Variants in PXT1 observed in about 807,000 individuals in gnomAD.
PXT1 encodes the protein peroxisomal testis enriched protein 1.
PXT1 carries 11 observed loss-of-function variants against 11.0 expected under a neutral mutation model. The observed-to-expected ratio is 1.00, with a 90% CI of 0.63 to 1.66. The LOEUF is 1.66. Among genes scored for constraint, PXT1 ranks in the 40% most tolerant of loss-of-function variants. The pLI is 0.00. For synonymous variants in PXT1, 43 were observed against 51.4 expected, an observed-to-expected ratio of 0.84 and a Z score of 0.70; for missense variants, 141 against 155.5, an observed-to-expected ratio of 0.91 and a Z score of 0.49.
chr6:36,440,336 C>G (rs1471089274), intron 1 of PXT1, among the ~76,000 whole-genome samples: 1 of 151,964 alleles, frequency 6.6e-6, no homozygotes, highest in Non-Finnish European at 1.5e-5. Flanking sequence ...TTTGGGATGC[C>G]GAGGCGGGTG....
At chr6:36,402,188 G>A (rs1000024494) in intron 3 of PXT1, among the ~76,000 whole-genome samples, 6 of 152,066 alleles carry the variant, frequency 3.9e-5, no homozygotes, top group South Asian at 2.1e-4. Context: ...ACCAATGAGC[G>A]TTTTTAAGCA....
chr6:36,420,602 G>C (rs751830375), intron 3 of PXT1, among the ~76,000 whole-genome samples: 2 of 152,174 alleles, frequency 1.3e-5, no homozygotes, highest in Non-Finnish European at 2.9e-5. Context: ...GAATGAAAGA[G>C]AGAGTCTTCA....
intron 3 of PXT1, among the ~76,000 whole-genome samples, chr6:36,423,502 C>T (rs1348528900): frequency 6.6e-6 from 1 of 152,232 alleles, no homozygotes; most frequent in South Asian, 2.1e-4. Flanking sequence ...GGCGGCGGCG[C>T]GCGCGTAGCT....
intron 3 of PXT1, among the ~76,000 whole-genome samples, chr6:36,416,180 G>A (rs665793): frequency 0.86 from 129,350 of 149,986 alleles, 56,197 homozygotes; most frequent in African/African-American, 0.97. Flanking sequence ...CTACCAAAAA[G>A]AAAAGAAAAG....
chr6:36,436,113 C>CAAAA (rs11294829), intron 2 of PXT1, among the ~76,000 whole-genome samples: 2 of 60,092 alleles, frequency 3.3e-5, no homozygotes, highest in African/African-American at 1.2e-4. Context: ...AAAAGTAAGC[C>CAAAA]AAAAAAAAAA....
At chr6:36,396,799 G>A (rs1382156598) in intron 4 of PXT1, among the ~76,000 whole-genome samples, 2 of 152,222 alleles carry the variant, frequency 1.3e-5, no homozygotes, top group African/African-American at 4.8e-5. Flanking sequence ...ATGATCAGCT[G>A]CAGAGAGGAG....
Position 36,400,553 on chromosome 6 carries a change from A to G in PXT1, c.201T>C (p.His67=), listed in dbSNP as rs1207026502. 3 of 1,613,850 alleles carry G rather than the reference A, an allele frequency of 1.9e-6. No individual in the cohort carries two copies. The highest frequency in any genetic ancestry group is 2.7e-5 in the African/African-American group (2 of 75,042). ...DHNLLSQPKE[H]SIVQKHHQEE... is the part of the protein sequence containing the mutation. ...CCTGGTGATGCTTCTGAACAATGCT[A>G]TGCTCCTTGGGCTGAGAAAGTAGAT... The change falls in exon 4 of 5, where the codon CAT becomes CAC. Residue 67 remains histidine (H), a synonymous_variant. Coordinates refer to ENST00000454782, the MANE Select transcript of PXT1 (RefSeq NM_152990.4).
At chr6:36,439,242 C>A (rs1774819460) in intron 1 of PXT1, among the ~76,000 whole-genome samples, 1 of 151,744 alleles carries the variant, frequency 6.6e-6, no homozygotes, top group African/African-American at 2.4e-5. Context: ...AGGTGATCCA[C>A]CCGCCTTGGC....
intron 3 of PXT1, among the ~76,000 whole-genome samples, chr6:36,407,310 G>T (rs1490599125): frequency 6.6e-6 from 1 of 152,108 alleles, no homozygotes; most frequent in East Asian, 1.9e-4. Flanking sequence ...TAACAGGGAA[G>T]AAATCATTAG....
chr6:36,414,622 G>A (rs973496401), intron 3 of PXT1, among the ~76,000 whole-genome samples: 1 of 152,158 alleles, frequency 6.6e-6, no homozygotes, highest in African/African-American at 2.4e-5. Flanking sequence ...CTTCGTTGCT[G>A]GTAGCCACCA....
rs527873089 is a variant in PXT1 at position 36,425,574 on chromosome 6, C to T, written c.169+340G>A. 6.7e-4 allele frequency among the ~76,000 whole-genome samples: 102 copies of T among 151,950 alleles called. 1 individual carries two copies. The highest frequency in any genetic ancestry group is 2.4e-3 in the African/African-American group (100 of 41,448). On this transcript the variant is annotated intron_variant, in intron 3 of 4. Transcript: ENST00000454782. ...CCTATGAGGGGGGATCAGTTGAGGT[C>T]AGGGGTTCGAGACCAGCCTGGCCAA... is the stretch of plus-strand genomic sequence containing the variant.
chr6:36,419,780 T>G (rs1774497717), intron 3 of PXT1, among the ~76,000 whole-genome samples: 1 of 152,204 alleles, frequency 6.6e-6, no homozygotes, highest in Non-Finnish European at 1.5e-5. Flanking sequence ...TTTAAAGTTG[T>G]AAAACAGCAA....
chr6:36,423,729 TG>T (rs1319446188), intron 3 of PXT1, among the ~76,000 whole-genome samples: 2 of 152,158 alleles, frequency 1.3e-5, no homozygotes, highest in Non-Finnish European at 2.9e-5. Flanking sequence ...CGCTGCTGCC[TG>T]AACAGAAAGG....
rs559040901 is a variant in PXT1 at position 36,426,649 on chromosome 6, C to T, written c.-9-558G>A. ...CCTCCCAAAGTGTTGGGATTACAGG[C>T]GTGAGCCACAGCACCTGGCCTCTTC... On this transcript the variant is annotated intron_variant, in intron 2 of 4. Transcript: ENST00000454782. Among the ~76,000 whole-genome samples the T allele has an allele frequency of 4.6e-5, 7 of 152,200 alleles. No homozygotes were observed. The East Asian group carries it at 9.7e-4, about 21-fold the overall frequency.
intron 2 of PXT1, 141 bp from the exon 3 acceptor site, chr6:36,426,232 C>T: frequency 1.8e-6 from 1 of 570,424 alleles, no homozygotes. Flanking sequence ...AGAAGGTGGA[C>T]CAGAGTGATC....
intron 2 of PXT1, among the ~76,000 whole-genome samples, chr6:36,431,438 A>G (rs1008334132): frequency 1.3e-5 from 2 of 152,198 alleles, no homozygotes; most frequent in Admixed American, 6.5e-5. Flanking sequence ...GTCTAGCAGA[A>G]GAAAGAGGCT....
intron 4 of PXT1, among the ~76,000 whole-genome samples, chr6:36,400,082 T>G (rs975815303): frequency 3.3e-5 from 5 of 152,336 alleles, no homozygotes; most frequent in African/African-American, 9.6e-5. Flanking sequence ...TGCATCCAGT[T>G]TTGAGGGTGT....
chr6:36,424,726 C>T (rs556571309), intron 3 of PXT1, among the ~76,000 whole-genome samples: 34 of 152,112 alleles, frequency 2.2e-4, no homozygotes, highest in African/African-American at 6.5e-4. Context: ...CCAGGCCGGT[C>T]GCGGTGGCTC....
chr6:36,418,773 G>C (rs601606), intron 3 of PXT1, among the ~76,000 whole-genome samples: 3,663 of 152,230 alleles, frequency 0.024, 138 homozygotes, highest in African/African-American at 0.082. Flanking sequence ...GGAGAGTACC[G>C]ACTCACTTCC....
Sources: allele counts gnomAD v4.1 joint callset (sites outside exome capture counted in the v4.1 genomes callset), GRCh38; gene constraint gnomAD v4.1.1; transcripts MANE v1.5; gene names NCBI Gene and HGNC (gene_info 2026-07-23, HGNC 2026-07-21).